ARHGEF7: variants seen among roughly 807,000 people sequenced by gnomAD.
ARHGEF7 encodes the protein PAK-interacting exchange factor beta.
ARHGEF7 carries 33 observed loss-of-function variants against 109.8 expected under a neutral mutation model. That is an observed-to-expected ratio of 0.30 (90% CI 0.23 to 0.40). ARHGEF7 has a LOEUF of 0.40. ARHGEF7 is among the 10% of genes least tolerant of loss of function. The pLI, the probability that ARHGEF7 is intolerant of heterozygous loss-of-function variation, is 1.00. For synonymous variants in ARHGEF7, 458 were observed against 424.6 expected (o/e 1.08, Z -0.97); for missense variants, 938 against 1,098.5 (o/e 0.85, Z 2.07).
At chr13:111,172,338 C>G (rs945509479) in intron 2 of ARHGEF7, among the ~76,000 whole-genome samples, 1 of 151,926 alleles carries the variant, frequency 6.6e-6, no homozygotes, top group Admixed American at 6.6e-5. Flanking sequence ...GAAGCACTCA[C>G]TGAATCAGTG....
rs2080231626 is a variant in ARHGEF7, at chr13:111,194,184, C to CT, written c.253-11104dup. Among the ~76,000 whole-genome samples, 3 of 152,196 alleles carry CT rather than the reference C, an allele frequency of 2.0e-5. No homozygotes were observed. The South Asian group carries it at 6.2e-4, about 32-fold the overall frequency. ...CCGGTTGTGGGGTTGTCCCACGAGT[C>CT]TGAGTAAGGACTCCAAGAGCTATTC... On this transcript the variant is annotated intron_variant, in intron 2 of 21. Coordinates refer to ENST00000646102, the MANE Select transcript of ARHGEF7 (RefSeq NM_001354046.2).
At chr13:111,282,977 A>T in intron 15 of ARHGEF7, 162 bp from the exon 16 acceptor site, 2 of 1,054,884 alleles carry the variant, frequency 1.9e-6, no homozygotes, top group Non-Finnish European at 2.7e-6. Flanking sequence ...TGGCCCCAAA[A>T]ACTGACTGCT....
chr13:111,161,505 T>C (rs2076740150), intron 2 of ARHGEF7, among the ~76,000 whole-genome samples: 1 of 152,192 alleles, frequency 6.6e-6, no homozygotes, highest in South Asian at 2.1e-4. Context: ...CATGCAAAAC[T>C]CTTAGAACAG....
At chr13:111,265,275 A>G (rs1009892178) in intron 8 of ARHGEF7, among the ~76,000 whole-genome samples, 1 of 152,194 alleles carries the variant, frequency 6.6e-6, no homozygotes, top group African/African-American at 2.4e-5. Flanking sequence ...GGACGTACTG[A>G]TAACAGCTCA....
chr13:111,140,246 C>T (rs566926176), intron 1 of ARHGEF7, among the ~76,000 whole-genome samples: 22 of 152,256 alleles, frequency 1.4e-4, no homozygotes, highest in East Asian at 3.9e-4. Flanking sequence ...GCAGCTGGAG[C>T]GTGTATTGTA....
chr13:111,148,531 C>T (rs889385039), intron 1 of ARHGEF7, among the ~76,000 whole-genome samples: 2 of 152,214 alleles, frequency 1.3e-5, no homozygotes, highest in Non-Finnish European at 2.9e-5. Flanking sequence ...CTTACATACA[C>T]AGTCACCTAA....
At chr13:111,254,557 G>T (rs1442567308) in intron 8 of ARHGEF7, among the ~76,000 whole-genome samples, 33 of 149,782 alleles carry the variant, frequency 2.2e-4, no homozygotes, top group Admixed American at 2.2e-3. Context: ...TCGGGCTAAG[G>T]CGCTGAGTCA....
At chr13:111,185,961 CGTGTGTGTGTGTGTGTGTGT>C (rs71127998) in intron 2 of ARHGEF7, among the ~76,000 whole-genome samples, 20 of 135,778 alleles carry the variant, frequency 1.5e-4, no homozygotes, top group Non-Finnish European at 2.5e-4. Flanking sequence ...TTTGGGAGCT[CGTGTGTGTGTGTGTGTGTGT>C]GTGTGTGTGT....
At chr13:111,187,257 G>A (rs1188627484) in intron 2 of ARHGEF7, among the ~76,000 whole-genome samples, 1 of 152,186 alleles carries the variant, frequency 6.6e-6, no homozygotes, top group African/African-American at 2.4e-5. Context: ...TCCTTGTTCT[G>A]CTTCACTGGC....
intron 16 of ARHGEF7, among the ~76,000 whole-genome samples, chr13:111,283,713 G>A (rs1223535218): frequency 1.3e-5 from 2 of 152,210 alleles, no homozygotes; most frequent in African/African-American, 2.4e-5. Context: ...GCATCTGCAC[G>A]CTGTCTGCTG....
At chr13:111,296,055 C>T (rs890732885) in intron 19 of ARHGEF7, among the ~76,000 whole-genome samples, 6 of 152,224 alleles carry the variant, frequency 3.9e-5, no homozygotes, top group South Asian at 2.1e-4. Context: ...AGTTGTGTGT[C>T]GTCAGATAAG....
intron 3 of ARHGEF7, 122 bp downstream of exon 3, chr13:111,205,495 A>G (rs1300167298): frequency 1.6e-6 from 1 of 617,390 alleles, no homozygotes; most frequent in Non-Finnish European, 2.8e-6. Flanking sequence ...CTTTTGTTGC[A>G]TTACGTTTTG....
intron 2 of ARHGEF7, among the ~76,000 whole-genome samples, chr13:111,204,563 A>T (rs550245677): frequency 1.5e-4 from 23 of 152,108 alleles, no homozygotes; most frequent in Non-Finnish European, 2.9e-4. Flanking sequence ...GTTGCCACAT[A>T]CCTAGGCAAA....
chr13:111,286,259 T>C lies in ARHGEF7; in HGVS notation c.2044+19T>C. ...CGGAAAAGTGAGTACCTGCGGTCCGTGTGGTGGAGGACGTGGCCTCCTGGT... is the reference window on the plus strand; with the variant it reads ...CGGAAAAGTGAGTACCTGCGGTCCGCGTGGTGGAGGACGTGGCCTCCTGGT... On this transcript the variant is annotated intron_variant, in intron 17 of 21. Transcript: ENST00000646102. 1 of 1,600,908 alleles carries C rather than the reference T, an allele frequency of 6.2e-7. No homozygotes were observed. The highest frequency in any genetic ancestry group is 8.6e-7 in the Non-Finnish European group (1 of 1,168,914).
intron 1 of ARHGEF7, among the ~76,000 whole-genome samples, chr13:111,132,968 A>C (rs1467674423): frequency 6.6e-6 from 1 of 152,158 alleles, no homozygotes; most frequent in Non-Finnish European, 1.5e-5. Context: ...ACACACATGC[A>C]TCTGTACACA....
chr13:111,205,007 G>GCCCCA (rs1204489493), intron 2 of ARHGEF7, among the ~76,000 whole-genome samples: 1 of 151,114 alleles, frequency 6.6e-6, no homozygotes. Flanking sequence ...CCCCCACCCC[G>GCCCCA]CCCCGCCCCC....
intron 1 of ARHGEF7, among the ~76,000 whole-genome samples, chr13:111,148,573 G>A (rs1156358848): frequency 6.6e-6 from 1 of 152,338 alleles, no homozygotes; most frequent in East Asian, 1.9e-4. Context: ...GCCAAGCCAT[G>A]GAAGACATGA....
At position 111,217,828 on chromosome 13, in the gene ARHGEF7, C is replaced by T. The variant is rs149136288; in HGVS notation, c.618C>T (p.Asn206=). The change falls in exon 5 of 22, where the codon AAC becomes AAT. Residue 206 remains asparagine (N), a synonymous_variant. Transcript: ENST00000646102. ...GAGGCTGGTGGGAGGGCACACTCAA[C>T]GGCCGGACCGGCTGGTTCCCCAGCA... ...EEGGWWEGTL[N]GRTGWFPSNY... 202 of 1,614,026 alleles carry T rather than the reference C, an allele frequency of 1.3e-4. No individual in the cohort carries two copies. The African/African-American group carries it at 2.4e-3, about 19-fold the overall frequency.
At chr13:111,185,563 C>T (rs1302208683) in intron 2 of ARHGEF7, among the ~76,000 whole-genome samples, 2 of 152,314 alleles carry the variant, frequency 1.3e-5, no homozygotes, top group East Asian at 1.9e-4. Flanking sequence ...ATGGAATGGG[C>T]GCATTGCCTT....
Sources: gnomAD v4.1 joint callset for allele counts (sites outside exome capture counted in the v4.1 genomes callset) on GRCh38, gnomAD v4.1.1 for gene constraint, MANE v1.5 for transcripts, NCBI Gene and HGNC (gene_info 2026-07-23, HGNC 2026-07-21) for gene names.